Variants in DPYD observed in about 807,000 individuals in gnomAD.
The protein encoded by DPYD is dihydropyrimidine dehydrogenase, also known as dihydropyrimidine dehydrogenase [NADP(+)].
DPYD carries 109 observed loss-of-function variants against 116.2 expected under a neutral mutation model. The ratio of observed to expected loss-of-function variants is 0.94; its 90% CI spans 0.80 to 1.10. DPYD has a LOEUF of 1.10. DPYD is among the 50% of genes least tolerant of loss of function. The pLI is 0.00. For missense variants in DPYD, 1,302 were observed against 1,254.5 expected, an observed-to-expected ratio of 1.04 and a Z score of -0.57; for synonymous variants, 440 against 432.0, an observed-to-expected ratio of 1.02 and a Z score of -0.23.
At chr1:97,434,909 C>A (rs1386280439) in intron 14 of DPYD, among the ~76,000 whole-genome samples, 1 of 151,896 alleles carries the variant, frequency 6.6e-6, no homozygotes, top group East Asian at 1.9e-4. Context: ...TCTTATCATG[C>A]AATCAGGATG....
At chr1:97,216,018 G>A (rs946726066) in intron 19 of DPYD, among the ~76,000 whole-genome samples, 1 of 152,098 alleles carries the variant, frequency 6.6e-6, no homozygotes, top group Non-Finnish European at 1.5e-5. Flanking sequence ...GAATACTAGA[G>A]GCTACTGATA....
At chr1:97,334,200 T>A (rs1669171880) in intron 16 of DPYD, among the ~76,000 whole-genome samples, 1 of 152,192 alleles carries the variant, frequency 6.6e-6, no homozygotes, top group African/African-American at 2.4e-5. Context: ...CCCCAATAAT[T>A]TCTTGTTAAT....
intron 1 of DPYD, among the ~76,000 whole-genome samples, chr1:97,899,440 C>G (rs1221309281): frequency 6.6e-6 from 1 of 151,782 alleles, no homozygotes; most frequent in Non-Finnish European, 1.5e-5. Context: ...CGCCTTTTCC[C>G]TTTGTTTCTT....
intron 5 of DPYD, among the ~76,000 whole-genome samples, chr1:97,716,671 A>T (rs536739637): frequency 0.013 from 2,016 of 152,204 alleles, 21 homozygotes; most frequent in Middle Eastern, 0.024. Flanking sequence ...CTTTTTAAAA[A>T]AAGATGAGGA....
At chr1:97,148,830 GT>G (rs1553223283) in intron 20 of DPYD, among the ~76,000 whole-genome samples, 2 of 152,096 alleles carry the variant, frequency 1.3e-5, no homozygotes, top group Non-Finnish European at 2.9e-5. Flanking sequence ...ACAGTTCATT[GT>G]TTGTATCTCC....
chr1:97,809,642 G>A (rs1668251359), intron 3 of DPYD, among the ~76,000 whole-genome samples: 1 of 152,112 alleles, frequency 6.6e-6, no homozygotes, highest in Admixed American at 6.5e-5. Context: ...ACAAATCAGT[G>A]GTCACAGGGA....
rs565708826 is a variant in DPYD, at chr1:97,746,506, C to T, written c.234-6027G>A. ...AAAGCTTGTCCTATTTTACTATACACGAAAAATATACTTATGACTATTAAA... is the reference window on the plus strand; with the variant it reads ...AAAGCTTGTCCTATTTTACTATACATGAAAAATATACTTATGACTATTAAA... On this transcript the variant is annotated intron_variant, in intron 3 of 22. Transcript: ENST00000370192. 9.2e-5 allele frequency among the ~76,000 whole-genome samples: 14 copies of T among 152,112 alleles called. No homozygotes were observed. In the South Asian group the frequency reaches 2.3e-3, roughly 25 times the overall value.
intron 14 of DPYD, among the ~76,000 whole-genome samples, chr1:97,439,395 G>A (rs1201820259): frequency 1.3e-5 from 2 of 152,136 alleles, no homozygotes; most frequent in African/African-American, 4.8e-5. Flanking sequence ...TGGGCCTGAA[G>A]TTTTATTTTC....
At chr1:97,304,062 CT>C (rs911925644) in intron 18 of DPYD, among the ~76,000 whole-genome samples, 1 of 151,972 alleles carries the variant, frequency 6.6e-6, no homozygotes, top group African/African-American at 2.4e-5. Flanking sequence ...AATGGTGTTA[CT>C]TATATAAAAT....
intron 16 of DPYD, among the ~76,000 whole-genome samples, chr1:97,324,079 A>T (rs981709839): frequency 1.7e-4 from 26 of 152,016 alleles, no homozygotes; most frequent in Non-Finnish European, 1.5e-5. Context: ...TGATGGCAGT[A>T]GTGGTGGATA....
intron 14 of DPYD, among the ~76,000 whole-genome samples, chr1:97,406,020 A>C (rs944845815): frequency 3.9e-5 from 6 of 152,106 alleles, no homozygotes; most frequent in Non-Finnish European, 7.4e-5. Flanking sequence ...GGTGTCCCCT[A>C]TGCCTGGGCC....
At chr1:97,681,840 CTGAG>C (rs1660443844) in intron 7 of DPYD, among the ~76,000 whole-genome samples, 1 of 152,038 alleles carries the variant, frequency 6.6e-6, no homozygotes, top group Non-Finnish European at 1.5e-5. Context: ...TATTAGCAAA[CTGAG>C]TAAGTATGCC....
chr1:97,140,165 A>G (rs1326652112), intron 20 of DPYD, among the ~76,000 whole-genome samples: 1 of 151,840 alleles, frequency 6.6e-6, no homozygotes, highest in African/African-American at 2.4e-5. Context: ...GTAGCTGTGG[A>G]GGGTTAAAGT....
At chr1:97,602,303 A>C (rs1655300800) in intron 8 of DPYD, among the ~76,000 whole-genome samples, 1 of 152,036 alleles carries the variant, frequency 6.6e-6, no homozygotes. Context: ...TCATGTAGAA[A>C]ACACACAAAT....
chr1:97,515,091 AAGGATG>A (rs1177107239), intron 13 of DPYD, among the ~76,000 whole-genome samples: 2 of 151,904 alleles, frequency 1.3e-5, no homozygotes, highest in Non-Finnish European at 1.5e-5. Context: ...AAAACCATAT[AAGGATG>A]CAATCCTCTT....
chr1:97,799,221 T>C (rs1246102075), intron 3 of DPYD, among the ~76,000 whole-genome samples: 1 of 151,842 alleles, frequency 6.6e-6, no homozygotes, highest in Non-Finnish European at 1.5e-5. Context: ...CCTCTAGCCC[T>C]ATAGAATGCA....
chr1:97,606,315 C>T (rs925542884), intron 8 of DPYD, among the ~76,000 whole-genome samples: 2 of 151,818 alleles, frequency 1.3e-5, no homozygotes, highest in African/African-American at 4.8e-5. Flanking sequence ...AGATAAATAG[C>T]TTCTGGGGTA....
intron 2 of DPYD, among the ~76,000 whole-genome samples, chr1:97,863,138 G>A (rs1347579334): frequency 2.0e-5 from 3 of 151,968 alleles, no homozygotes; most frequent in East Asian, 1.9e-4. Flanking sequence ...AGGATAAAAT[G>A]TGATATGGTA....
intron 8 of DPYD, among the ~76,000 whole-genome samples, chr1:97,621,535 A>G (rs567444979): frequency 1.4e-5 from 2 of 137,998 alleles, no homozygotes; most frequent in South Asian, 4.4e-4. Flanking sequence ...CATAAATAAT[A>G]TAAGTCTAAT....
Sources: allele counts gnomAD v4.1 joint callset (sites outside exome capture counted in the v4.1 genomes callset), GRCh38; gene constraint gnomAD v4.1.1; transcripts MANE v1.5; gene names NCBI Gene and HGNC (gene_info 2026-07-23, HGNC 2026-07-21).